ARHGAP22: variants seen among roughly 807,000 people sequenced by gnomAD.
ARHGAP22 encodes the protein Rho GTPase activating protein 22.
A neutral mutation model predicts 59.1 loss-of-function variants in ARHGAP22; 48 were observed. The ratio of observed to expected loss-of-function variants is 0.81; its 90% confidence interval spans 0.64 to 1.03. The LOEUF (loss-of-function observed/expected upper bound fraction) is 1.03. ARHGAP22 is among the 50% of genes least tolerant of loss of function. The pLI, the probability that ARHGAP22 is intolerant of heterozygous loss-of-function variation, is 0.00. For missense variants in ARHGAP22, 1,015 were observed against 958.7 expected (o/e 1.06, Z -0.78); for synonymous variants, 445 against 416.4 (o/e 1.07, Z -0.84).
chr10:48,539,695 T>G (rs1039014467), intron 3 of ARHGAP22, among the ~76,000 whole-genome samples: 17 of 152,248 alleles, frequency 1.1e-4, no homozygotes, highest in Admixed American at 7.8e-4. Flanking sequence ...TTTTAAAATG[T>G]TAGGCATTCT....
chr10:48,535,797 C>T (rs187592975), intron 3 of ARHGAP22, among the ~76,000 whole-genome samples: 4 of 152,294 alleles, frequency 2.6e-5, no homozygotes, highest in East Asian at 1.9e-4. Flanking sequence ...ATGTGGACAA[C>T]GAATGGGGTA....
At chr10:48,493,537 C>T in intron 3 of ARHGAP22, 3 of 1,529,364 alleles carry the variant, frequency 2.0e-6, no homozygotes, top group Non-Finnish European at 2.6e-6. Context: ...TGGCCAGACA[C>T]ACCTGTTGGG....
intron 6 of ARHGAP22, among the ~76,000 whole-genome samples, chr10:48,454,562 C>T (rs773889460): frequency 1.2e-4 from 18 of 152,252 alleles, no homozygotes; most frequent in South Asian, 2.1e-4. Flanking sequence ...CGGGTGGGGA[C>T]GGGAGGGCTG....
the ARHGAP22 span, chr10:48,431,277 T>C: frequency 6.2e-7 from 1 of 1,601,218 alleles, no homozygotes; most frequent in Non-Finnish European, 8.6e-7. Flanking sequence ...TTAGGTTGGT[T>C]ACAATATAAG....
chr10:48,450,676 A>G lies in ARHGAP22; in HGVS notation c.1453T>C (p.Ser485Pro). The G allele has an allele frequency of 6.4e-7, 1 of 1,550,672 alleles. No individual in the cohort carries two copies. The highest frequency in any genetic ancestry group is 8.7e-7 in the Non-Finnish European group (1 of 1,147,222). The part of the protein sequence containing the change: ...SSGDRLKDSG[S>P]VQRLSTYDNV... ...TCGTAGGTGGAGAGTCTCTGCACGG[A>G]GCCCGAGTCCTTGAGCCGGTCTCCC... Residue 485 changes from serine (S) to proline (P), a missense_variant, in exon 9 of 10, where the codon TCC becomes CCC. Ser to Pro is a moderately conservative substitution (Grantham distance 74). Coordinates refer to ENST00000249601, the MANE Select transcript of ARHGAP22 (RefSeq NM_021226.4).
intron 1 of ARHGAP22, among the ~76,000 whole-genome samples, chr10:48,648,986 GGAA>G (rs1237750535): frequency 2.6e-5 from 4 of 152,160 alleles, no homozygotes; most frequent in South Asian, 2.1e-4. Flanking sequence ...GCCAAGGGTG[GGAA>G]GAAGAAGAGC....
chr10:48,632,757 G>T (rs971312077), intron 1 of ARHGAP22, among the ~76,000 whole-genome samples: 1 of 152,162 alleles, frequency 6.6e-6, no homozygotes, highest in African/African-American at 2.4e-5. Context: ...AACCACCCAG[G>T]CTAGGAGCTG....
At chr10:48,510,458 G>A (rs530510817) in intron 3 of ARHGAP22, 3 of 152,322 alleles carry the variant, frequency 2.0e-5, no homozygotes, top group African/African-American at 4.8e-5. Context: ...TTAAGAAAGC[G>A]GTGCCTGACC....
rs539752580 is a variant in ARHGAP22, at chr10:48,548,679, C to T, written c.322+6784G>A. 3.9e-5 allele frequency among the ~76,000 whole-genome samples: 6 copies of T among 152,352 alleles called. No homozygotes were observed. The South Asian group carries it at 1.2e-3, about 32-fold the overall frequency. ...CCTAAACTTGGCCTGGGGCTGGATG[C>T]CCACATCAGCAAAAAGCCCAGGTCT... is the stretch of plus-strand genomic sequence containing the variant. On this transcript the variant is annotated intron_variant, in intron 3 of 9. Coordinates refer to ENST00000249601, the MANE Select transcript of ARHGAP22 (RefSeq NM_021226.4).
At chr10:48,528,549 C>A (rs962717251) in intron 3 of ARHGAP22, among the ~76,000 whole-genome samples, 4 of 152,044 alleles carry the variant, frequency 2.6e-5, no homozygotes, top group African/African-American at 9.7e-5. Context: ...TGAGGTGGGA[C>A]CTGAGCTGCA....
intron 3 of ARHGAP22, among the ~76,000 whole-genome samples, chr10:48,482,164 T>C (rs1386805413): frequency 6.6e-6 from 1 of 152,246 alleles, no homozygotes; most frequent in Non-Finnish European, 1.5e-5. Context: ...TCCTGCATTG[T>C]ATCTAAGAAA....
At chr10:48,563,559 C>T (rs1002601021) in intron 2 of ARHGAP22, among the ~76,000 whole-genome samples, 1 of 152,156 alleles carries the variant, frequency 6.6e-6, no homozygotes, top group African/African-American at 2.4e-5. Flanking sequence ...TAATTAAATG[C>T]TTGCCATCGT....
intron 1 of ARHGAP22, among the ~76,000 whole-genome samples, chr10:48,587,098 A>G (rs1320522491): frequency 6.6e-6 from 1 of 152,200 alleles, no homozygotes; most frequent in African/African-American, 2.4e-5. Flanking sequence ...CTGCCCAGAT[A>G]AGGGTGAGCC....
At chr10:48,611,675 C>T (rs113778887) in intron 1 of ARHGAP22, among the ~76,000 whole-genome samples, 1 of 151,888 alleles carries the variant, frequency 6.6e-6, no homozygotes, top group Non-Finnish European at 1.5e-5. Flanking sequence ...TGGAAATTTC[C>T]CAGGTGCCTT....
intron 5 of ARHGAP22, among the ~76,000 whole-genome samples, chr10:48,457,913 C>A (rs1172359687): frequency 1.5e-5 from 2 of 136,176 alleles, no homozygotes; most frequent in African/African-American, 2.7e-5. Context: ...GAGGAGGAGA[C>A]CCTCTGTTGG....
At chr10:48,456,588 G>A (rs980158957) in intron 5 of ARHGAP22, among the ~76,000 whole-genome samples, 4 of 152,200 alleles carry the variant, frequency 2.6e-5, no homozygotes, top group Non-Finnish European at 4.4e-5. Context: ...GAGACTGGGG[G>A]AAGGGCAGGA....
rs530050128 is a variant in ARHGAP22 at position 48,639,532 on chromosome 10, A to G, written c.52+12702T>C. On this transcript the variant is annotated intron_variant, in intron 1 of 9. Transcript: ENST00000435790. ...GAGGGCTTACGGGCTCATGGTTTGT[A>G]TATGACATCTGTCTCATCACTGGCT... 1.4e-3 allele frequency among the ~76,000 whole-genome samples: 213 copies of G among 152,322 alleles called. 1 individual carries two copies. The highest frequency in any genetic ancestry group is 5.0e-3 in the African/African-American group (208 of 41,576).
chr10:48,655,004 CTT>C (rs1287190623), upstream of ARHGAP22, among the ~76,000 whole-genome samples: 1 of 101,640 alleles, frequency 9.8e-6, no homozygotes, highest in African/African-American at 3.8e-5. Context: ...CTCTCTCTTT[CTT>C]TCTCTTTCTT....
intron 3 of ARHGAP22, among the ~76,000 whole-genome samples, chr10:48,528,335 C>A (rs2054520620): frequency 6.6e-6 from 1 of 152,160 alleles, no homozygotes; most frequent in African/African-American, 2.4e-5. Flanking sequence ...TGGGAATGTA[C>A]CATCTTAGCC....
Sources: gnomAD v4.1 joint callset for allele counts (sites outside exome capture counted in the v4.1 genomes callset) on GRCh38, gnomAD v4.1.1 for gene constraint, MANE v1.5 for transcripts, NCBI Gene and HGNC (gene_info 2026-07-23, HGNC 2026-07-21) for gene names.